CPA6: variants seen among roughly 807,000 people sequenced by gnomAD.
CPA6 encodes the protein carboxypeptidase A6.
In CPA6, 58 loss-of-function variants were observed where a neutral mutation model predicts 63.3. The observed-to-expected ratio is 0.92, with a 90% confidence interval of 0.74 to 1.14. The LOEUF is 1.14. Ranked by LOEUF, CPA6 falls within the 50% of genes most tolerant of loss-of-function variation. CPA6 has a pLI of 0.00. For missense variants in CPA6, 565 were observed against 526.6 expected (o/e 1.07, Z -0.71); for synonymous variants, 185 against 179.0 (o/e 1.03, Z -0.27).
At chr8:67,647,278 C>T (rs557707262) in intron 1 of CPA6, among the ~76,000 whole-genome samples, 2 of 151,854 alleles carry the variant, frequency 1.3e-5, no homozygotes, top group South Asian at 4.2e-4. Flanking sequence ...ATATCAAGCT[C>T]CTTTTCCTTT....
At chr8:67,738,020 T>C (rs1327126687) in intron 1 of CPA6, among the ~76,000 whole-genome samples, 2 of 151,522 alleles carry the variant, frequency 1.3e-5, no homozygotes, top group Non-Finnish European at 2.9e-5. Context: ...ATGTCATTTA[T>C]AGAAGAAAAA....
intron 3 of CPA6, among the ~76,000 whole-genome samples, chr8:67,514,223 G>A (rs1161832561): frequency 6.6e-6 from 1 of 152,108 alleles, no homozygotes; most frequent in Non-Finnish European, 1.5e-5. Flanking sequence ...CTCCCAAAGT[G>A]CTGGGATTAC....
chr8:67,427,400 A>C (rs1038387998), intron 10 of CPA6, among the ~76,000 whole-genome samples: 1 of 152,134 alleles, frequency 6.6e-6, no homozygotes, highest in African/African-American at 2.4e-5. Flanking sequence ...TGTTATGAAG[A>C]TCCTGTACAC....
At chr8:67,607,853 A>G in intron 2 of CPA6, among the ~76,000 whole-genome samples, 1 of 152,178 alleles carries the variant, frequency 6.6e-6, no homozygotes, top group East Asian at 1.9e-4. Flanking sequence ...ATTTCAATGT[A>G]CCATTTTCTC....
intron 1 of CPA6, among the ~76,000 whole-genome samples, chr8:67,678,593 G>A (rs2128995550): frequency 6.6e-6 from 1 of 152,294 alleles, no homozygotes; most frequent in East Asian, 1.9e-4. Context: ...GTATTCAGAG[G>A]AAAGGCTCAA....
Position 67,658,966 on chromosome 8 carries a change from A to T in CPA6, c.117-34715T>A, listed in dbSNP as rs193097511. ...CTCTGATATCATCTTGCCCCTTTCAATCTACTCTCCACAAAGCAGGAAAAT... is the reference window on the plus strand; with the variant it reads ...CTCTGATATCATCTTGCCCCTTTCATTCTACTCTCCACAAAGCAGGAAAAT... On this transcript the variant is annotated intron_variant, in intron 1 of 10. Transcript: ENST00000297770. 3.3e-4 allele frequency among the ~76,000 whole-genome samples: 50 copies of T among 152,200 alleles called. 3 individuals carry two copies. The highest frequency in any genetic ancestry group is 1.2e-3 in the African/African-American group (48 of 41,528).
intron 2 of CPA6, among the ~76,000 whole-genome samples, chr8:67,600,737 T>C (rs559978389): frequency 8.5e-5 from 13 of 152,306 alleles, no homozygotes; most frequent in African/African-American, 3.1e-4. Context: ...TTATACCACA[T>C]GAATGTCTGC....
intron 2 of CPA6, among the ~76,000 whole-genome samples, chr8:67,547,311 G>T (rs1480505933): frequency 1.3e-5 from 2 of 152,224 alleles, no homozygotes; most frequent in South Asian, 2.1e-4. Flanking sequence ...CTCCCAAAGT[G>T]CTGGGATTAT....
intron 1 of CPA6, among the ~76,000 whole-genome samples, chr8:67,632,697 A>G (rs2128988423): frequency 6.6e-6 from 1 of 152,334 alleles, no homozygotes; most frequent in African/African-American, 2.4e-5. Flanking sequence ...CTAGAGAGCT[A>G]TTTTGAAGAA....
At chr8:67,630,785 G>T (rs1815308089) in intron 1 of CPA6, among the ~76,000 whole-genome samples, 1 of 152,340 alleles carries the variant, frequency 6.6e-6, no homozygotes, top group South Asian at 2.1e-4. Context: ...GTGAGTTCCG[G>T]GTGGCCGCAG....
intron 2 of CPA6, among the ~76,000 whole-genome samples, chr8:67,579,568 C>T (rs1813713912): frequency 6.6e-6 from 1 of 152,208 alleles, no homozygotes; most frequent in African/African-American, 2.4e-5. Flanking sequence ...AAAACCTACA[C>T]TTAAACTTAA....
chr8:67,729,364 T>C (rs549905698), intron 1 of CPA6, among the ~76,000 whole-genome samples: 4 of 152,362 alleles, frequency 2.6e-5, no homozygotes, highest in South Asian at 2.1e-4. Context: ...TATATTAAAT[T>C]GAGCCATTTG....
chr8:67,556,327 G>A (rs1813059932), intron 2 of CPA6, among the ~76,000 whole-genome samples: 2 of 152,158 alleles, frequency 1.3e-5, no homozygotes, highest in South Asian at 4.1e-4. Context: ...AGGAAGGACA[G>A]AGTAGAACTG....
At chr8:67,450,858 A>G (rs1810542464) in intron 8 of CPA6, among the ~76,000 whole-genome samples, 2 of 152,196 alleles carry the variant, frequency 1.3e-5, no homozygotes, top group South Asian at 4.1e-4. Flanking sequence ...CAGACCCAAC[A>G]TGATGTGCGA....
chr8:67,699,978 TG>T (rs1426676060), intron 1 of CPA6, among the ~76,000 whole-genome samples: 1 of 152,172 alleles, frequency 6.6e-6, no homozygotes, highest in Admixed American at 6.5e-5. Context: ...CATTTCCACT[TG>T]GGGGAAACAG....
intron 8 of CPA6, among the ~76,000 whole-genome samples, chr8:67,456,155 ACCG>A (rs1810673154): frequency 2.0e-5 from 3 of 152,354 alleles, no homozygotes; most frequent in African/African-American, 7.2e-5. Flanking sequence ...TTTAGTAATA[ACCG>A]TTGTGTAACT....
intron 1 of CPA6, among the ~76,000 whole-genome samples, chr8:67,742,147 C>T (rs571166585): frequency 1.6e-4 from 25 of 151,910 alleles, no homozygotes; most frequent in South Asian, 2.1e-4. Context: ...TGTGTGTGCG[C>T]GTGTGTGTGT....
rs1404826064 is a variant in CPA6 at position 67,591,504 on chromosome 8, C to T, written c.192+32672G>A. Among the ~76,000 whole-genome samples, 3 of 152,152 alleles carry T rather than the reference C, an allele frequency of 2.0e-5. No individual in the cohort carries two copies. In the East Asian group the frequency reaches 5.8e-4, roughly 29 times the overall value. ...TATGGCCATTTTCATGATATTGATT[C>T]TTCCTACCCACGAGCATGGAATGTT... On this transcript the variant is annotated intron_variant, in intron 2 of 10. Transcript: ENST00000297770.
rs142157922 is a variant in CPA6 at position 67,607,726 on chromosome 8, G to A, written c.192+16450C>T. On this transcript the variant is annotated intron_variant, in intron 2 of 10. Transcript: ENST00000297770. ...AACTGATAGTTTTATCAAATGTTTC[G>A]TCACTACATCACACTGGTATCTTTC... Among the ~76,000 whole-genome samples, 62 of 152,122 alleles carry A rather than the reference G, an allele frequency of 4.1e-4. 1 individual carries two copies. In the Middle Eastern group the frequency reaches 0.01, roughly 25 times the overall value.
Sources: allele counts gnomAD v4.1 joint callset (sites outside exome capture counted in the v4.1 genomes callset), GRCh38; gene constraint gnomAD v4.1.1; transcripts MANE v1.5; gene names NCBI Gene and HGNC (gene_info 2026-07-23, HGNC 2026-07-21).